TSC22D2: variants seen among roughly 807,000 people sequenced by gnomAD.
The protein encoded by TSC22D2 is TSC22 domain family protein 2.
Under a neutral mutation model 50.1 loss-of-function variants are expected in TSC22D2, and 5 were observed. The observed-to-expected ratio is 0.10, with a 90% confidence interval of 0.05 to 0.21. The LOEUF is 0.21. Among genes scored for constraint, TSC22D2 ranks in the 10% least tolerant of loss-of-function variants. The pLI is 1.00. For missense variants in TSC22D2, 1,003 were observed against 1,015.5 expected, an observed-to-expected ratio of 0.99 and a Z score of 0.17; for synonymous variants, 501 against 450.1, an observed-to-expected ratio of 1.11 and a Z score of -1.43.
intron 1 of TSC22D2, among the ~76,000 whole-genome samples, chr3:150,449,051 C>T (rs965590139): frequency 2.0e-5 from 3 of 152,130 alleles, no homozygotes; most frequent in Non-Finnish European, 4.4e-5. Context: ...ACATAATTTA[C>T]ATCACATTCT....
intron 1 of TSC22D2, among the ~76,000 whole-genome samples, chr3:150,439,445 C>T (rs932950928): frequency 5.3e-5 from 8 of 152,152 alleles, no homozygotes; most frequent in African/African-American, 1.7e-4. Flanking sequence ...GAAGGAAATA[C>T]AACAAACTAA....
At chr3:150,434,345 C>A (rs1285215900) in intron 1 of TSC22D2, among the ~76,000 whole-genome samples, 1 of 151,970 alleles carries the variant, frequency 6.6e-6, no homozygotes, top group Non-Finnish European at 1.5e-5. Context: ...TTTCAGCACG[C>A]TGGCCAGGCT....
chr3:150,439,146 G>A (rs182088769), intron 1 of TSC22D2, among the ~76,000 whole-genome samples: 1 of 152,142 alleles, frequency 6.6e-6, no homozygotes, highest in African/African-American at 2.4e-5. Context: ...TATAATTGTA[G>A]AATTCATATT....
intron 1 of TSC22D2, among the ~76,000 whole-genome samples, chr3:150,430,700 G>A (rs1311171569): frequency 6.6e-6 from 1 of 152,128 alleles, no homozygotes; most frequent in Non-Finnish European, 1.5e-5. Flanking sequence ...ATTTAAGAAT[G>A]TTTTATTAGA....
intron 1 of TSC22D2, among the ~76,000 whole-genome samples, chr3:150,424,980 G>T (rs142556375): frequency 1.3e-5 from 2 of 152,098 alleles, no homozygotes; most frequent in Admixed American, 6.5e-5. Context: ...TACACTTTCA[G>T]TTGGCAACTA....
intron 1 of TSC22D2, among the ~76,000 whole-genome samples, chr3:150,442,868 A>G (rs1427811091): frequency 6.6e-6 from 1 of 152,196 alleles, no homozygotes; most frequent in Non-Finnish European, 1.5e-5. Context: ...ACTTGAGCCC[A>G]GGAGTTTAAG....
intron 2 of TSC22D2, 37 bp downstream of exon 2, chr3:150,457,164 T>C: frequency 6.3e-7 from 1 of 1,587,366 alleles, no homozygotes. Context: ...TTTCATAGAT[T>C]GTTGGTTGTA....
chr3:150,441,935 A>T (rs560617423), intron 1 of TSC22D2, among the ~76,000 whole-genome samples: 3 of 152,018 alleles, frequency 2.0e-5, no homozygotes, highest in African/African-American at 7.3e-5. Context: ...CTTACATTCA[A>T]ACTTACCTGA....
intron 1 of TSC22D2, 53 bp downstream of exon 1, chr3:150,411,361 A>C: frequency 2.0e-6 from 3 of 1,504,788 alleles, no homozygotes; most frequent in Non-Finnish European, 2.7e-6. Context: ...CCAACATTGT[A>C]GCTTAGGATG....
At chr3:150,429,111 G>C (rs1275697551) in intron 1 of TSC22D2, among the ~76,000 whole-genome samples, 1 of 152,076 alleles carries the variant, frequency 6.6e-6, no homozygotes, top group Non-Finnish European at 1.5e-5. Context: ...GGAATGGAAG[G>C]GTAGTAAACT....
intron 2 of TSC22D2, among the ~76,000 whole-genome samples, chr3:150,457,476 G>A (rs1721224551): frequency 6.6e-6 from 1 of 152,134 alleles, no homozygotes; most frequent in Non-Finnish European, 1.5e-5. Context: ...AACAGCTGGA[G>A]GTCTGATTGA....
intron 1 of TSC22D2, chr3:150,423,427 A>G (rs970024949): frequency 1.2e-5 from 2 of 173,696 alleles, no homozygotes; most frequent in Middle Eastern, 2.5e-3. Flanking sequence ...TGCATATTCT[A>G]TAAAATAAAC....
Position 150,458,560 on chromosome 3 carries a change from C to A in TSC22D2, c.2195C>A (p.Ser732Tyr). 1.2e-6 allele frequency: 2 copies of A among 1,614,152 alleles called. No homozygotes were observed. The highest frequency in any genetic ancestry group is 1.7e-6 in the Non-Finnish European group (2 of 1,180,022). Reference protein sequence around the residue: ...PTQQANPGSTSQQQAVIAQPP... With the variant: ...PTQQANPGSTYQQQAVIAQPP... ...CAACAGGCCAATCCTGGTAGCACTT[C>A]TCAACAGCAAGCAGTGATAGCACAG... The change falls in exon 3 of 3, where the codon TCT (serine) becomes TAT (tyrosine). Residue 732 changes from serine to tyrosine, a missense_variant. Physicochemically the swap from Ser to Tyr is moderately radical, Grantham distance 144 (BLOSUM62 -2). Coordinates refer to ENST00000688009, the MANE Select transcript of TSC22D2 (RefSeq NM_001303264.2).
chr3:150,456,621 G>C (rs1222026958), intron 1 of TSC22D2, among the ~76,000 whole-genome samples: 2 of 116,910 alleles, frequency 1.7e-5, no homozygotes, highest in Non-Finnish European at 3.8e-5. Context: ...TAAGAGGAGG[G>C]ACTAGAAAAA....
At position 150,445,066 on chromosome 3, in the gene TSC22D2, T is replaced by G. The variant is rs114208203; in HGVS notation, c.1959-12010T>G. Among the ~76,000 whole-genome samples, 340 of 152,148 alleles carry G rather than the reference T, an allele frequency of 2.2e-3. 1 individual carries two copies. The highest frequency in any genetic ancestry group is 7.6e-3 in the African/African-American group (315 of 41,536). ...TTTGGAAATTTTTATTTGAATTAAA[T>G]TAGTTATATTTCAGTGGGCTTTGGA... On this transcript the variant is annotated intron_variant, in intron 1 of 2. Transcript: ENST00000688009.
intron 1 of TSC22D2, among the ~76,000 whole-genome samples, chr3:150,417,831 A>G (rs1481519407): frequency 1.3e-5 from 2 of 152,112 alleles, no homozygotes; most frequent in East Asian, 3.9e-4. Context: ...ATGTAGTCAG[A>G]AAAAAGGAGA....
Position 150,462,424 on chromosome 3 carries a change from GAGGT to G in TSC22D2, c.*3793_*3796del, listed in dbSNP as rs146542408. 0.11 allele frequency: 16,202 copies of G among 152,056 alleles called. 1,193 individuals carry two copies. Among genetic ancestry groups the G allele is most frequent in the East Asian group, 0.33 (1,689 of 5,138 alleles). The allele number at this position is 152,056 out of a possible 1,614,324, so 9.4% of individuals were successfully genotyped here. On this transcript the variant is annotated 3_prime_UTR_variant, in exon 3 of 3. Coordinates refer to ENST00000688009, the MANE Select transcript of TSC22D2 (RefSeq NM_001303264.2). Reference sequence around the variant, plus strand: ...TGTGCACAATTCCAGTGGCAGATGGGAGGTAGGTTAGAGTAGCTGAAACTGGAAG... The same window carrying G: ...TGTGCACAATTCCAGTGGCAGATGGGAGGTTAGAGTAGCTGAAACTGGAAG...
chr3:150,409,767 C>G lies in TSC22D2; in HGVS notation c.417C>G (p.Leu139=). The G allele has an allele frequency of 1.2e-6, 2 of 1,602,090 alleles. No individual in the cohort carries two copies. The highest frequency in any genetic ancestry group is 1.1e-5 in the South Asian group (1 of 91,070). ...PAPGAPGGPQ[L]AGSSAGPVTA... is the part of the protein sequence containing the mutation. ...CCGGAGCACCCGGCGGCCCCCAGCT[C>G]GCGGGCTCATCCGCCGGGCCAGTGA... Residue 139 remains leucine (L), a synonymous_variant, in exon 1 of 3, where the codon CTC becomes CTG. Transcript: ENST00000688009. This position sits in a 1 kb window ranked among gnomAD's most constrained non-coding sequence, Gnocchi z 7.4.
chr3:150,430,923 A>T (rs1720356819), intron 1 of TSC22D2, among the ~76,000 whole-genome samples: 2 of 152,218 alleles, frequency 1.3e-5, no homozygotes, highest in African/African-American at 4.8e-5. Context: ...TTTCAAATTT[A>T]CAGAAAAATT....
Sources: allele counts gnomAD v4.1 joint callset (sites outside exome capture counted in the v4.1 genomes callset), GRCh38; gene constraint gnomAD v4.1.1; non-coding constraint Gnocchi (gnomAD v3.1); transcripts MANE v1.5; gene names NCBI Gene and HGNC (gene_info 2026-07-23, HGNC 2026-07-21).